The following CLDN25 variants were observed in gnomAD, a reference collection of about 807,000 sequenced individuals.
CLDN25 encodes claudin-25.
For synonymous variants in CLDN25, 117 were observed against 112.7 expected (o/e 1.04, Z -0.24); for missense variants, 286 against 279.7 (o/e 1.02, Z -0.16).
exon 1 of CLDN25, chr11:113,779,951 G>A: frequency 6.2e-7 from 1 of 1,613,994 alleles, no homozygotes; most frequent in Non-Finnish European, 8.5e-7. Context: ...GGATTTGGGA[G>A]GTCTGCGTGG....
exon 1 of CLDN25, chr11:113,780,071 A>G: frequency 2.5e-6 from 4 of 1,613,918 alleles, no homozygotes; most frequent in Non-Finnish European, 3.4e-6. Context: ...GGCTGGGCCT[A>G]TTGGGGCTTT....
chr11:113,780,157 TG>T lies in CLDN25; in HGVS notation c.365del (p.Gly122GlufsTer77), dbSNP rs747219472. ...GTATTCAAGAGGCGGCTTGGTCTCC[TG>T]GGAAGGACTTTGGAGGCATCCGCTT... On this transcript the variant is annotated frameshift_variant, in exon 1 of 1. Coordinates refer to ENST00000453129, the Ensembl canonical transcript of CLDN25. LOFTEE classifies it low-confidence loss of function (END_TRUNC). 18 of 1,614,012 alleles carry T rather than the reference TG, an allele frequency of 1.1e-5. No homozygotes were observed. The South Asian group carries it at 1.8e-4, about 16-fold the overall frequency.
chr11:113,779,798 G>A, exon 1 of CLDN25: 1 of 1,608,304 alleles, frequency 6.2e-7, no homozygotes, highest in Non-Finnish European at 8.5e-7. Flanking sequence ...GAGTGACTAT[G>A]GCCTGGAGTT....
chr11:113,780,391 T>C (rs1391851181), exon 1 of CLDN25: 2 of 1,613,790 alleles, frequency 1.2e-6, no homozygotes, highest in Non-Finnish European at 1.7e-6. Context: ...TTTCCTTTGA[T>C]GGCTGGTCCC....
At chr11:113,780,308 T>A in exon 1 of CLDN25, 4 of 1,613,848 alleles carry the variant, frequency 2.5e-6, no homozygotes, top group Non-Finnish European at 3.4e-6. Context: ...TGGGCTGGGC[T>A]GCTGGTATTT....
At position 113,780,048 on chromosome 11, in the gene CLDN25, GTAGCCTCCCAT is replaced by G. The variant is rs1937801052; in HGVS notation, c.254_264del (p.Val85GlyfsTer15). 1 of 1,613,922 alleles carries G rather than the reference GTAGCCTCCCAT, an allele frequency of 6.2e-7. No homozygotes were observed. The highest frequency in any genetic ancestry group is 8.5e-7 in the Non-Finnish European group (1 of 1,179,898). ...GCTCCAGGTAGCCCGCATCCTCATG[GTAGCCTCCCAT>G]GGGCTGGGCCTATTGGGGCTTTTGC... is the stretch of plus-strand genomic sequence containing the variant. On this transcript the variant is annotated frameshift_variant, in exon 1 of 1. Transcript: ENST00000453129. LOFTEE classifies it low-confidence loss of function (END_TRUNC).
exon 1 of CLDN25, chr11:113,779,829 G>C (rs367566026): frequency 1.9e-6 from 3 of 1,612,974 alleles, no homozygotes; most frequent in Admixed American, 1.7e-5. Flanking sequence ...AGTCCAGCTC[G>C]GGGGGCTACT....
At chr11:113,780,285 G>C (rs1166075007) in exon 1 of CLDN25, 1 of 1,613,694 alleles carries the variant, frequency 6.2e-7, no homozygotes. Context: ...GGAGTTTGGA[G>C]GTGCCCTCTA....
rs757904523 is a variant in CLDN25, at chr11:113,779,946, T to G, written c.151T>G (p.Trp51Gly). ...GATGGAGACCTGGATCATGGGGATT[T>G]GGGAGGTCTGCGTGGATCGAGAGGA... Residue 51 changes from tryptophan to glycine, a missense_variant, in exon 1 of 1, where the codon TGG becomes GGG. Coordinates refer to ENST00000453129, the Ensembl canonical transcript of CLDN25. The G allele has an allele frequency of 3.1e-5, 50 of 1,613,906 alleles. No individual in the cohort carries two copies. The highest frequency in any genetic ancestry group is 3.8e-5 in the Non-Finnish European group (45 of 1,179,906).
At chr11:113,779,816 A>G (rs371018780) in exon 1 of CLDN25, 1 of 1,611,994 alleles carries the variant, frequency 6.2e-7, no homozygotes, top group Non-Finnish European at 8.5e-7. Flanking sequence ...GTTTCCGTGC[A>G]AAAGTCCAGC....
chr11:113,779,964 C>G (rs754824119), exon 1 of CLDN25: 10 of 1,613,576 alleles, frequency 6.2e-6, no homozygotes, highest in Middle Eastern at 1.6e-4. Context: ...CTGCGTGGAT[C>G]GAGAGGAAGT....
exon 1 of CLDN25, chr11:113,780,250 G>A (rs750669515): frequency 5.0e-6 from 8 of 1,613,858 alleles, no homozygotes; most frequent in Non-Finnish European, 6.8e-6. Context: ...TGGGATGACA[G>A]CATCCCTGAC....
chr11:113,779,940 G>A (rs749924583), exon 1 of CLDN25: 13 of 1,613,904 alleles, frequency 8.1e-6, no homozygotes, highest in Non-Finnish European at 1.0e-5. Context: ...CTGGATCATG[G>A]GGATTTGGGA....
chr11:113,780,259 ACAT>A, exon 1 of CLDN25: 1 of 1,613,466 alleles, frequency 6.2e-7, no homozygotes. Flanking sequence ...AGCATCCCTG[ACAT>A]CATACCTCGG....
rs767488166 is a variant in CLDN25 at position 113,780,132 on chromosome 11, G to A, written c.337G>A (p.Val113Ile). The A allele has an allele frequency of 7.4e-6, 12 of 1,614,036 alleles. No homozygotes were observed. In the South Asian group the frequency reaches 9.9e-5, roughly 13 times the overall value. ...CTTCCAGTTTCACAGGATCAGATGG[G>A]TATTCAAGAGGCGGCTTGGTCTCCT... Residue 113 changes from valine to isoleucine, a missense_variant, in exon 1 of 1, where the codon GTA becomes ATA. Coordinates refer to ENST00000453129, the Ensembl canonical transcript of CLDN25.
At chr11:113,779,991 G>C in exon 1 of CLDN25, 6 of 1,614,004 alleles carry the variant, frequency 3.7e-6, no homozygotes, top group Non-Finnish European at 5.1e-6. Flanking sequence ...TGTGTGCAAG[G>C]CCTTTGAATC....
exon 1 of CLDN25, chr11:113,779,981 T>C (rs374737042): frequency 1.1e-5 from 17 of 1,613,686 alleles, no homozygotes; most frequent in Non-Finnish European, 1.4e-5. Context: ...AAGTCGCCAC[T>C]GTGTGCAAGG....
At position 113,780,473 on chromosome 11, in the gene CLDN25, C is replaced by T. The variant is rs1031573443; in HGVS notation, c.678C>T (p.Asn226=). Reference sequence around the variant, plus strand: ...TCCACCTCATGCTAAGACCTAGGAACCTGGTCATCTAGGACTGGCTTCTGC... The same window carrying T: ...TCCACCTCATGCTAAGACCTAGGAATCTGGTCATCTAGGACTGGCTTCTGC... The change falls in exon 1 of 1, where the codon AAC becomes AAT. Residue 226 remains asparagine (N), a synonymous_variant. Transcript: ENST00000453129. 1.4e-5 allele frequency: 22 copies of T among 1,610,920 alleles called. No homozygotes were observed. In the Admixed American group the frequency reaches 3.7e-4, roughly 27 times the overall value.
chr11:113,780,289 C>G, exon 1 of CLDN25: 1 of 1,613,620 alleles, frequency 6.2e-7, no homozygotes. Flanking sequence ...TTTGGAGGTG[C>G]CCTCTACTTG....
Sources: gnomAD v4.1 joint callset for allele counts on GRCh38, gnomAD v4.1.1 for gene constraint, MANE v1.5 for transcripts, NCBI Gene and HGNC (gene_info 2026-07-23, HGNC 2026-07-21) for gene names.